EXT2: variants seen among roughly 807,000 people sequenced by gnomAD.
EXT2 encodes the protein exostosin-2.
Under a neutral mutation model 81.6 loss-of-function variants are expected in EXT2, and 53 were observed. The observed-to-expected ratio is 0.65, with a 90% CI of 0.52 to 0.82. EXT2 has a LOEUF of 0.82. EXT2 is among the 40% of genes least tolerant of loss of function. The probability of loss-of-function intolerance (pLI) is 0.00; values close to 1 mark genes in which losing one functional copy is unlikely to be tolerated. For synonymous variants in EXT2, 320 were observed against 340.0 expected, an observed-to-expected ratio of 0.94 and a Z score of 0.65; for missense variants, 774 against 910.2, an observed-to-expected ratio of 0.85 and a Z score of 1.93.
chr11:44,144,153 C>T, intron 7 of EXT2: 1 of 1,046,474 alleles, frequency 9.6e-7, no homozygotes, highest in South Asian at 1.3e-5. Context: ...TCGCCCCAGG[C>T]AGATTCCTTT....
chr11:44,246,939 C>T lies in EXT2; in HGVS notation c.*2652C>T, dbSNP rs1202695944. Among the ~76,000 whole-genome samples, 1 of 152,254 alleles carries T rather than the reference C, an allele frequency of 6.6e-6. No individual in the cohort carries two copies. The highest frequency in any genetic ancestry group is 1.5e-5 in the Non-Finnish European group (1 of 68,050). ...AGATTAAGAAATCTTTTTAAAGAAA[C>T]ACATCTTACTGGCCTATAGAGAAGA... On this transcript the variant is annotated 3_prime_UTR_variant, in exon 14 of 14. Coordinates refer to ENST00000533608, the MANE Select transcript of EXT2 (RefSeq NM_207122.2).
intron 7 of EXT2, among the ~76,000 whole-genome samples, chr11:44,159,480 C>G (rs1429184290): frequency 6.6e-6 from 1 of 152,058 alleles, no homozygotes; most frequent in Non-Finnish European, 1.5e-5. Context: ...TGATCTCTAT[C>G]ATTTCTTTTT....
chr11:44,234,271 TG>T (rs774113177), intron 12 of EXT2, 28 bp downstream of exon 12: 1 of 1,609,644 alleles, frequency 6.2e-7, no homozygotes, highest in African/African-American at 1.3e-5. Context: ...TCACTTGCTT[TG>T]TGATCTTGGG....
chr11:44,216,843 A>C (rs1447633763), intron 10 of EXT2, among the ~76,000 whole-genome samples: 2 of 151,582 alleles, frequency 1.3e-5, no homozygotes, highest in Non-Finnish European at 2.9e-5. Context: ...ATCTACCTGG[A>C]TATTAGCTTG....
chr11:44,110,579 A>G (rs1025036393), intron 3 of EXT2, among the ~76,000 whole-genome samples: 1 of 152,240 alleles, frequency 6.6e-6, no homozygotes, highest in African/African-American at 2.4e-5. Context: ...GCTGTTAGGA[A>G]TGCAGAGTCT....
chr11:44,132,785 C>T (rs913766922), intron 7 of EXT2, among the ~76,000 whole-genome samples: 3 of 152,088 alleles, frequency 2.0e-5, no homozygotes, highest in East Asian at 3.9e-4. Flanking sequence ...CGCTTTCTGA[C>T]GGCCTCTTTC....
chr11:44,144,125 T>G, intron 7 of EXT2: 6 of 827,130 alleles, frequency 7.3e-6, no homozygotes, highest in Non-Finnish European at 1.2e-5. Context: ...GGTTTTAGCA[T>G]AGCAAACATG....
At chr11:44,109,096 T>C in intron 2 of EXT2, 98 bp from the exon 3 acceptor site, 1 of 1,309,184 alleles carries the variant, frequency 7.6e-7, no homozygotes, top group Non-Finnish European at 1.1e-6. Flanking sequence ...GCGGCCCTAT[T>C]TGGGCTTGGG....
chr11:44,200,151 T>TA (rs965705996), intron 9 of EXT2, among the ~76,000 whole-genome samples: 2,260 of 131,876 alleles, frequency 0.017, 53 homozygotes, highest in African/African-American at 0.055. Flanking sequence ...ATATATATTA[T>TA]AAAAAAAAAA....
chr11:44,196,065 A>G (rs1955452072), intron 8 of EXT2, among the ~76,000 whole-genome samples: 1 of 152,190 alleles, frequency 6.6e-6, no homozygotes, highest in East Asian at 1.9e-4. Context: ...GTGCAAAAAT[A>G]TTTTTGCTTA....
chr11:44,154,941 C>T (rs1954838234), intron 7 of EXT2, among the ~76,000 whole-genome samples: 2 of 151,830 alleles, frequency 1.3e-5, no homozygotes, highest in Non-Finnish European at 2.9e-5. Context: ...TTAATTTTGC[C>T]CATTTTTAAA....
intron 8 of EXT2, among the ~76,000 whole-genome samples, chr11:44,186,432 T>C (rs1308214106): frequency 6.6e-6 from 1 of 152,232 alleles, no homozygotes; most frequent in Non-Finnish European, 1.5e-5. Flanking sequence ...AGGGTTCTTA[T>C]AAATGATTGG....
chr11:44,096,345 T>G, intron 1 of EXT2: 1 of 1,530,384 alleles, frequency 6.5e-7, no homozygotes, highest in Non-Finnish European at 8.7e-7. Flanking sequence ...CAGGGGCATG[T>G]TATGCCGGGG....
At chr11:44,122,261 A>C (rs1269038369) in intron 4 of EXT2, among the ~76,000 whole-genome samples, 1 of 152,184 alleles carries the variant, frequency 6.6e-6, no homozygotes, top group African/African-American at 2.4e-5. Flanking sequence ...TTTCTGATTT[A>C]TACTGAAAAA....
Position 44,109,297 on chromosome 11 carries a change from T to C in EXT2, c.626+14T>C, listed in dbSNP as rs1299044038. On this transcript the variant is annotated intron_variant, in intron 3 of 13. Coordinates refer to ENST00000533608, the MANE Select transcript of EXT2 (RefSeq NM_207122.2). ...CCCCAGAGACAGGTAGGAGGCATATTTGGGGCTGTCCTTATGATGGGTTCA... is the reference window on the plus strand; with the variant it reads ...CCCCAGAGACAGGTAGGAGGCATATCTGGGGCTGTCCTTATGATGGGTTCA... 12 of 1,609,300 alleles carry C rather than the reference T, an allele frequency of 7.5e-6. No homozygotes were observed. The highest frequency in any genetic ancestry group is 1.0e-5 in the Non-Finnish European group (12 of 1,175,718).
chr11:44,220,961 T>G lies in EXT2; in HGVS notation c.1663-11392T>G, dbSNP rs1013875390. On this transcript the variant is annotated intron_variant, in intron 10 of 13. Transcript: ENST00000533608. The surrounding 1 kb of genome is among the most constrained non-coding windows in gnomAD (Gnocchi z 4.4). ...ATGTTTGCTGAACATTGAAATAACATCTGATCATTGAAAAAAAGCACCTAG... is the reference window on the plus strand; with the variant it reads ...ATGTTTGCTGAACATTGAAATAACAGCTGATCATTGAAAAAAAGCACCTAG... Among the ~76,000 whole-genome samples, 2 of 152,184 alleles carry G rather than the reference T, an allele frequency of 1.3e-5. No homozygotes were observed. Among genetic ancestry groups the G allele is most frequent in the East Asian group, 3.9e-4 (2 of 5,186 alleles).
intron 2 of EXT2, 96 bp downstream of exon 2, chr11:44,108,344 A>G (rs1954093375): frequency 1.2e-5 from 16 of 1,374,440 alleles, no homozygotes; most frequent in Non-Finnish European, 1.4e-5. Flanking sequence ...TCTGCTCTTG[A>G]GTTGGTTTCC....
intron 7 of EXT2, among the ~76,000 whole-genome samples, chr11:44,134,737 G>C (rs538336844): frequency 6.6e-6 from 1 of 152,312 alleles, no homozygotes; most frequent in East Asian, 1.9e-4. Context: ...CAGTTTATCT[G>C]TTGAGTAGAA....
intron 7 of EXT2, among the ~76,000 whole-genome samples, chr11:44,150,570 C>T (rs1370845841): frequency 6.6e-6 from 1 of 152,152 alleles, no homozygotes; most frequent in Non-Finnish European, 1.5e-5. Context: ...TTGCACTGGG[C>T]AGTGGCTACA....
Sources: gnomAD v4.1 joint callset for allele counts (sites outside exome capture counted in the v4.1 genomes callset) on GRCh38, gnomAD v4.1.1 for gene constraint, Gnocchi (gnomAD v3.1) non-coding constraint, MANE v1.5 for transcripts, NCBI Gene and HGNC (gene_info 2026-07-23, HGNC 2026-07-21) for gene names.